The following CLVS1 variants were observed in gnomAD, a reference collection of about 807,000 sequenced individuals.
The protein encoded by CLVS1 is clavesin 1.
CLVS1 carries 10 observed loss-of-function variants against 33.1 expected under a neutral mutation model. That is an observed-to-expected ratio of 0.30 (90% CI 0.19 to 0.51). The LOEUF (loss-of-function observed/expected upper bound fraction) is 0.51, where lower values mean the gene tolerates loss of function less well. Among genes scored for constraint, CLVS1 ranks in the 20% least tolerant of loss-of-function variants. The pLI, the probability that CLVS1 is intolerant of heterozygous loss-of-function variation, is 0.97. For missense variants in CLVS1, 343 were observed against 433.4 expected (o/e 0.79, Z 1.85); for synonymous variants, 163 against 166.1 (o/e 0.98, Z 0.14).
At chr8:61,259,006 C>T (rs3852343) in intron 2 of CLVS1, among the ~76,000 whole-genome samples, 39,837 of 151,896 alleles carry the variant, frequency 0.26, 7,823 homozygotes, top group East Asian at 0.85. Flanking sequence ...TAAAAAATTG[C>T]ATTATTACAG....
chr8:61,216,395 C>T (rs190265364), intron 2 of CLVS1, among the ~76,000 whole-genome samples: 1 of 152,174 alleles, frequency 6.6e-6, no homozygotes, highest in Non-Finnish European at 1.5e-5. Context: ...CTCCATCCAC[C>T]CTCTAGTCTG....
the CLVS1 span, among the ~76,000 whole-genome samples, chr8:61,022,907 A>G: frequency 3.3e-5 from 5 of 152,234 alleles, no homozygotes; most frequent in Non-Finnish European, 7.3e-5. Context: ...GTGCAAACAC[A>G]TAATGTGTGC....
chr8:61,231,177 G>C (rs1010236463), intron 2 of CLVS1, among the ~76,000 whole-genome samples: 1 of 152,072 alleles, frequency 6.6e-6, no homozygotes, highest in Non-Finnish European at 1.5e-5. Context: ...GAGCCAGCCA[G>C]GCCAATACCC....
chr8:61,135,973 G>A (rs1037099419), intron 2 of CLVS1, among the ~76,000 whole-genome samples: 8 of 152,216 alleles, frequency 5.3e-5, no homozygotes, highest in African/African-American at 9.7e-5. Flanking sequence ...TAGAGCAGCC[G>A]CTCTGGAAGC....
At chr8:61,003,580 C>T in the CLVS1 span, among the ~76,000 whole-genome samples, 1 of 152,226 alleles carries the variant, frequency 6.6e-6, no homozygotes, top group African/African-American at 2.4e-5. Context: ...TGGTTTAGCT[C>T]TAGATCTACC....
intron 2 of CLVS1, among the ~76,000 whole-genome samples, chr8:61,254,527 A>T (rs557726914): frequency 2.2e-4 from 34 of 152,282 alleles, no homozygotes; most frequent in African/African-American, 8.2e-4. Flanking sequence ...AGTGGAGTCT[A>T]CAGAGGCAGG....
chr8:61,270,833 T>C (rs1809421239), intron 2 of CLVS1, among the ~76,000 whole-genome samples: 2 of 152,168 alleles, frequency 1.3e-5, no homozygotes, highest in South Asian at 4.1e-4. Flanking sequence ...TGATGGTAGT[T>C]TGTATTTCTG....
At chr8:61,024,508 C>T in the CLVS1 span, among the ~76,000 whole-genome samples, 3 of 152,220 alleles carry the variant, frequency 2.0e-5, no homozygotes, top group African/African-American at 7.2e-5. Flanking sequence ...AGCATCCCAA[C>T]AGGGCATCCA....
intron 2 of CLVS1, among the ~76,000 whole-genome samples, chr8:61,335,073 T>C (rs561020195): frequency 6.6e-6 from 1 of 152,160 alleles, no homozygotes; most frequent in South Asian, 2.1e-4. Flanking sequence ...GTTCCTGGGT[T>C]GGGGGCCAAG....
At chr8:61,427,808 C>T (rs976557294) in intron 3 of CLVS1, among the ~76,000 whole-genome samples, 1 of 152,186 alleles carries the variant, frequency 6.6e-6, no homozygotes. Flanking sequence ...TTTTTGGTAA[C>T]ACTGTTAGGA....
At chr8:61,468,502 A>G (rs1192358823) in intron 5 of CLVS1, among the ~76,000 whole-genome samples, 1 of 152,158 alleles carries the variant, frequency 6.6e-6, no homozygotes, top group African/African-American at 2.4e-5. Flanking sequence ...ATCTCACTGC[A>G]CATTTGTCTC....
At chr8:61,478,469 T>A (rs905106402) in intron 5 of CLVS1, among the ~76,000 whole-genome samples, 5 of 152,342 alleles carry the variant, frequency 3.3e-5, no homozygotes, top group Admixed American at 6.5e-5. Context: ...TTTGTAGGTC[T>A]CTAAGGACTT....
intron 3 of CLVS1, among the ~76,000 whole-genome samples, chr8:61,400,610 C>A (rs1814711450): frequency 6.6e-6 from 1 of 152,132 alleles, no homozygotes; most frequent in African/African-American, 2.4e-5. Flanking sequence ...TGTCTTGTGC[C>A]AACTTTCAAG....
rs573246843 is a variant in CLVS1 at position 61,463,928 on chromosome 8, C to G, written c.977+5386C>G. 5.5e-4 allele frequency among the ~76,000 whole-genome samples: 84 copies of G among 151,720 alleles called. 1 individual carries two copies. The Middle Eastern group carries it at 0.027, about 49-fold the overall frequency. On this transcript the variant is annotated intron_variant, in intron 5 of 5. Coordinates refer to ENST00000325897, the MANE Select transcript of CLVS1 (RefSeq NM_173519.3). ...CTAAAAAAATACAAAAAAAAATTAG[C>G]CAGGTTTTGCGGTGGGTGCCTATAG... is the stretch of plus-strand genomic sequence containing the variant.
intron 2 of CLVS1, among the ~76,000 whole-genome samples, chr8:61,274,612 C>A (rs1809528346): frequency 6.6e-6 from 1 of 152,142 alleles, no homozygotes; most frequent in Non-Finnish European, 1.5e-5. Context: ...ATTGCTACTT[C>A]TCTCTTTCAT....
chr8:61,497,416 C>G (rs1804303578), intron 5 of CLVS1, among the ~76,000 whole-genome samples: 1 of 134,040 alleles, frequency 7.5e-6, no homozygotes, highest in Non-Finnish European at 1.6e-5. Context: ...GGAGGTTCAT[C>G]TGTGCCCTGG....
At chr8:61,347,908 C>T (rs1585836877) in intron 2 of CLVS1, among the ~76,000 whole-genome samples, 1 of 151,536 alleles carries the variant, frequency 6.6e-6, no homozygotes, top group Non-Finnish European at 1.5e-5. Context: ...TACAAGGGTT[C>T]CCTTTTCTCC....
intron 2 of CLVS1, among the ~76,000 whole-genome samples, chr8:61,349,970 G>A (rs900444650): frequency 1.3e-5 from 2 of 152,104 alleles, no homozygotes; most frequent in Non-Finnish European, 2.9e-5. Context: ...TTTTTTTCAG[G>A]AAGGTTTAAT....
chr8:61,040,761 T>C, the CLVS1 span, among the ~76,000 whole-genome samples: 1 of 152,222 alleles, frequency 6.6e-6, no homozygotes, highest in African/African-American at 2.4e-5. Context: ...TTGAAAATAT[T>C]TTCTCCCATT....
Sources: gnomAD v4.1 joint callset for allele counts (sites outside exome capture counted in the v4.1 genomes callset) on GRCh38, gnomAD v4.1.1 for gene constraint, MANE v1.5 for transcripts, NCBI Gene and HGNC (gene_info 2026-07-23, HGNC 2026-07-21) for gene names.